Variants in TAFA2 observed in about 807,000 individuals in gnomAD.
TAFA2 encodes TAFA chemokine like family member 2.
TAFA2 carries 7 observed loss-of-function variants against 18.8 expected under a neutral mutation model. The ratio of observed to expected loss-of-function variants is 0.37; its 90% CI spans 0.21 to 0.70. The LOEUF (loss-of-function observed/expected upper bound fraction) is 0.70, where lower values mean the gene tolerates loss of function less well. Among genes scored for constraint, TAFA2 ranks in the 30% least tolerant of loss-of-function variants. The probability of loss-of-function intolerance (pLI) is 0.53; values close to 1 mark genes in which losing one functional copy is unlikely to be tolerated. For missense variants in TAFA2, 122 were observed against 158.1 expected (o/e 0.77, Z 1.23); for synonymous variants, 60 against 54.2 (o/e 1.11, Z -0.47).
intron 1 of TAFA2, among the ~76,000 whole-genome samples, chr12:62,049,532 A>AAACATTTTCAGTTG (rs1464945804): frequency 2.8e-4 from 43 of 152,206 alleles, no homozygotes; most frequent in African/African-American, 1.0e-3. Flanking sequence ...AGAGCAACTA[A>AAACATTTTCAGTTG]AACATTTTCA....
At chr12:62,079,244 A>G (rs1364324362) in intron 1 of TAFA2, among the ~76,000 whole-genome samples, 1 of 152,142 alleles carries the variant, frequency 6.6e-6, no homozygotes, top group African/African-American at 2.4e-5. Context: ...ACCCAGCTAC[A>G]ACTGGATCAC....
At chr12:61,960,260 T>C (rs555031181) in intron 1 of TAFA2, among the ~76,000 whole-genome samples, 2 of 152,134 alleles carry the variant, frequency 1.3e-5, no homozygotes, top group East Asian at 1.9e-4. Flanking sequence ...CTCTAGAAAA[T>C]ATCGCTGGGT....
chr12:62,034,330 A>C (rs568311330), intron 1 of TAFA2, among the ~76,000 whole-genome samples: 32 of 152,256 alleles, frequency 2.1e-4, no homozygotes, highest in Admixed American at 2.0e-3. Context: ...TAAGAATAGG[A>C]GTCAAATGTT....
intron 1 of TAFA2, among the ~76,000 whole-genome samples, chr12:62,108,236 T>C (rs949762187): frequency 6.6e-6 from 1 of 152,028 alleles, no homozygotes; most frequent in African/African-American, 2.4e-5. Flanking sequence ...GAACATGCGA[T>C]GTTTGGTTTT....
At chr12:62,203,867 T>C (rs1206668258) in intron 1 of TAFA2, among the ~76,000 whole-genome samples, 2 of 152,218 alleles carry the variant, frequency 1.3e-5, no homozygotes, top group Admixed American at 6.5e-5. Context: ...GTGAATTTGA[T>C]ACTGTCATCA....
intron 1 of TAFA2, among the ~76,000 whole-genome samples, chr12:62,012,058 T>C (rs1166139978): frequency 3.9e-5 from 6 of 152,252 alleles, no homozygotes; most frequent in Non-Finnish European, 8.8e-5. Flanking sequence ...AATCATTTCA[T>C]AGTACATGCT....
At chr12:62,178,702 T>C (rs993852711) in intron 1 of TAFA2, among the ~76,000 whole-genome samples, 1 of 152,328 alleles carries the variant, frequency 6.6e-6, no homozygotes, top group African/African-American at 2.4e-5. Flanking sequence ...CTAGCACTTA[T>C]GGAACCCATA....
chr12:62,053,574 A>G (rs1882111530), intron 1 of TAFA2, among the ~76,000 whole-genome samples: 1 of 152,232 alleles, frequency 6.6e-6, no homozygotes, highest in Non-Finnish European at 1.5e-5. Flanking sequence ...GTTTACTAAA[A>G]ACTTATTTTA....
At chr12:62,235,995 AAAAC>A (rs761374552) in intron 1 of TAFA2, among the ~76,000 whole-genome samples, 25 of 152,034 alleles carry the variant, frequency 1.6e-4, no homozygotes, top group Non-Finnish European at 1.8e-4. Context: ...AATTAAAAAA[AAAAC>A]AAATGAAGGA....
intron 1 of TAFA2, among the ~76,000 whole-genome samples, chr12:62,125,591 G>A (rs1870423791): frequency 6.6e-6 from 1 of 152,000 alleles, no homozygotes; most frequent in African/African-American, 2.4e-5. Flanking sequence ...CTGTTAATAG[G>A]GCATATTTGT....
intron 1 of TAFA2, among the ~76,000 whole-genome samples, chr12:62,047,415 T>A (rs1449128376): frequency 6.6e-6 from 1 of 152,178 alleles, no homozygotes; most frequent in Non-Finnish European, 1.5e-5. Flanking sequence ...GTAGGTAATA[T>A]TGTTTTACAA....
At chr12:62,086,687 CT>C (rs1384900175) in intron 1 of TAFA2, among the ~76,000 whole-genome samples, 1 of 152,026 alleles carries the variant, frequency 6.6e-6, no homozygotes, top group Non-Finnish European at 1.5e-5. Flanking sequence ...AAAATGAAAT[CT>C]TGCTCATTGC....
rs373604271 is a variant in TAFA2 at position 62,062,522 on chromosome 12, A to T, written c.-2+128737T>A. 2.0e-5 allele frequency among the ~76,000 whole-genome samples: 3 copies of T among 152,132 alleles called. No individual in the cohort carries two copies. The East Asian group carries it at 5.8e-4, about 29-fold the overall frequency. On this transcript the variant is annotated intron_variant, in intron 1 of 4. Transcript: ENST00000416284. ...TTTCCACTCTGAGGTTATATCTAAT[A>T]AGGTCCAATCCCACTACCTCCTTGT...
chr12:62,083,545 G>T (rs1211648332), intron 1 of TAFA2, among the ~76,000 whole-genome samples: 1 of 151,838 alleles, frequency 6.6e-6, no homozygotes, highest in Non-Finnish European at 1.5e-5. Flanking sequence ...AATAAGGGTG[G>T]GTTCTTATCA....
At chr12:61,881,283 C>T (rs1565667615) in intron 1 of TAFA2, among the ~76,000 whole-genome samples, 1 of 152,068 alleles carries the variant, frequency 6.6e-6, no homozygotes. Context: ...CATCATTGGG[C>T]AATTTTAATG....
chr12:61,827,945 A>G (rs1419284962), intron 2 of TAFA2, among the ~76,000 whole-genome samples: 1 of 151,974 alleles, frequency 6.6e-6, no homozygotes, highest in Non-Finnish European at 1.5e-5. Flanking sequence ...AAGATGATCC[A>G]TTTCATCTAC....
chr12:61,840,646 C>T (rs74697813), intron 2 of TAFA2, among the ~76,000 whole-genome samples: 2,716 of 152,132 alleles, frequency 0.018, 79 homozygotes, highest in African/African-American at 0.063. Context: ...AGATATAGCT[C>T]TTTCACTCTC....
At chr12:61,719,926 T>A (rs142795652) in intron 4 of TAFA2, among the ~76,000 whole-genome samples, 4 of 152,190 alleles carry the variant, frequency 2.6e-5, no homozygotes, top group Non-Finnish European at 4.4e-5. Context: ...ATTCTATATG[T>A]GGTAAATCTT....
chr12:61,986,160 T>C (rs1275213406), intron 1 of TAFA2, among the ~76,000 whole-genome samples: 2 of 121,878 alleles, frequency 1.6e-5, no homozygotes, highest in Middle Eastern at 3.8e-3. Flanking sequence ...AAGCTCTTCT[T>C]TTTTTTTTTT....
Sources: allele counts gnomAD v4.1 joint callset (sites outside exome capture counted in the v4.1 genomes callset), GRCh38; gene constraint gnomAD v4.1.1; transcripts MANE v1.5; gene names NCBI Gene and HGNC (gene_info 2026-07-23, HGNC 2026-07-21).